Variants in TENM3 observed in about 807,000 individuals in gnomAD.
TENM3 encodes teneurin transmembrane protein 3, also known as teneurin-3.
Under a neutral mutation model 255.1 loss-of-function variants are expected in TENM3, and 63 were observed. That is an observed-to-expected ratio of 0.25 (90% CI 0.20 to 0.30). TENM3 has a LOEUF of 0.30. TENM3 is among the 10% of genes least tolerant of loss of function. TENM3 has a pLI of 1.00. For missense variants in TENM3, 2,929 were observed against 3,461.1 expected (o/e 0.85, Z 3.86); for synonymous variants, 1,306 against 1,322.3 (o/e 0.99, Z 0.27).
chr4:182,378,510 A>AG (rs1317491384), intron 3 of TENM3, among the ~76,000 whole-genome samples: 1 of 152,182 alleles, frequency 6.6e-6, no homozygotes, highest in African/African-American at 2.4e-5. Context: ...CTGAGACTTG[A>AG]GGGGACAGAA....
At chr4:182,028,529 C>A in the TENM3 span, among the ~76,000 whole-genome samples, 1 of 152,082 alleles carries the variant, frequency 6.6e-6, no homozygotes, top group Non-Finnish European at 1.5e-5. Flanking sequence ...CATTAAGATG[C>A]ATCACTGGGT....
At chr4:182,734,074 T>G (rs1760985588) in intron 16 of TENM3, among the ~76,000 whole-genome samples, 1 of 152,210 alleles carries the variant, frequency 6.6e-6, no homozygotes, top group Admixed American at 6.5e-5. Context: ...GAAGAAGACG[T>G]GCATCCTGCC....
the TENM3 span, among the ~76,000 whole-genome samples, chr4:181,748,004 G>C: frequency 6.6e-6 from 1 of 152,024 alleles, no homozygotes; most frequent in African/African-American, 2.4e-5. Context: ...CCAGCATCTA[G>C]CTATGCTAAT....
At chr4:182,081,577 C>T in the TENM3 span, among the ~76,000 whole-genome samples, 19 of 104,206 alleles carry the variant, frequency 1.8e-4, no homozygotes, top group African/African-American at 7.6e-4. Flanking sequence ...GAGTGAGGCT[C>T]TGCCTCAAAA....
chr4:182,692,835 ATT>A (rs1757110144), intron 12 of TENM3, among the ~76,000 whole-genome samples: 2 of 151,996 alleles, frequency 1.3e-5, no homozygotes, highest in South Asian at 4.1e-4. Context: ...CTTAAGGAGT[ATT>A]TTTAGAATGG....
chr4:181,622,793 G>A, the TENM3 span, among the ~76,000 whole-genome samples: 2 of 152,136 alleles, frequency 1.3e-5, no homozygotes, highest in African/African-American at 2.4e-5. Context: ...GGCCTTTGGT[G>A]CCCAACCTTC....
the TENM3 span, among the ~76,000 whole-genome samples, chr4:181,734,298 T>C: frequency 6.6e-6 from 1 of 152,024 alleles, no homozygotes; most frequent in Non-Finnish European, 1.5e-5. Flanking sequence ...AGGGTCCTCA[T>C]CTGTTTTGCT....
At chr4:182,479,974 A>C (rs1004721448) in intron 3 of TENM3, among the ~76,000 whole-genome samples, 2 of 152,026 alleles carry the variant, frequency 1.3e-5, no homozygotes, top group Non-Finnish European at 2.9e-5. Context: ...TAGAAAAGAC[A>C]AAAGTAAAGA....
chr4:182,535,633 C>T (rs986633555), intron 3 of TENM3, among the ~76,000 whole-genome samples: 2 of 151,542 alleles, frequency 1.3e-5, no homozygotes, highest in Non-Finnish European at 2.9e-5. Context: ...CCTACTACTC[C>T]AGAGACTGAG....
intron 1 of TENM3, among the ~76,000 whole-genome samples, chr4:182,280,421 A>G (rs774658490): frequency 3.9e-5 from 6 of 152,342 alleles, no homozygotes; most frequent in South Asian, 2.1e-4. Flanking sequence ...TGAGATTTAT[A>G]TATTCTTGAA....
chr4:182,628,067 C>T (rs1751000468), intron 4 of TENM3, among the ~76,000 whole-genome samples: 1 of 152,076 alleles, frequency 6.6e-6, no homozygotes, highest in Non-Finnish European at 1.5e-5. Flanking sequence ...TAGTTTGCAT[C>T]GTTTGAGAAC....
At chr4:182,241,510 T>G (rs1303451562), upstream of TENM3, among the ~76,000 whole-genome samples, 1 of 131,696 alleles carries the variant, frequency 7.6e-6, no homozygotes, top group East Asian at 2.0e-4. Flanking sequence ...TCCCTTTCTT[T>G]TTTCTTTCTT....
chr4:182,038,883 G>A, the TENM3 span, among the ~76,000 whole-genome samples: 21 of 151,934 alleles, frequency 1.4e-4, no homozygotes, highest in Non-Finnish European at 2.5e-4. Flanking sequence ...ATAGGCGCCC[G>A]CCACCATGCC....
chr4:182,000,810 G>A, the TENM3 span, among the ~76,000 whole-genome samples: 1 of 149,942 alleles, frequency 6.7e-6, no homozygotes, highest in African/African-American at 2.5e-5. Flanking sequence ...GGCTTTGTTA[G>A]AACTATCTGT....
At chr4:181,490,327 A>G in the TENM3 span, among the ~76,000 whole-genome samples, 2 of 152,224 alleles carry the variant, frequency 1.3e-5, no homozygotes, top group Non-Finnish European at 2.9e-5. Context: ...ACCAGATGGT[A>G]TCTTGCCATC....
chr4:182,119,147 C>T, the TENM3 span, among the ~76,000 whole-genome samples: 1 of 152,036 alleles, frequency 6.6e-6, no homozygotes, highest in Non-Finnish European at 1.5e-5. Context: ...GTATTTCCCT[C>T]CCCCCAGGTA....
At chr4:181,605,584 G>GAAAGAAAGAAAGAAAGATAGAAA in the TENM3 span, among the ~76,000 whole-genome samples, 3 of 69,142 alleles carry the variant, frequency 4.3e-5, 1 homozygote, top group Non-Finnish European at 6.0e-5. Context: ...GAGAAAGAAA[G>GAAAGAAAGAAAGAAAGATAGAAA]GAAAGAAAGA....
At chr4:182,088,235 T>C in the TENM3 span, among the ~76,000 whole-genome samples, 1 of 152,150 alleles carries the variant, frequency 6.6e-6, no homozygotes, top group Non-Finnish European at 1.5e-5. Flanking sequence ...TCATTATGAG[T>C]ACGAAAATAA....
At chr4:182,274,481 G>A (rs1421901646) in intron 1 of TENM3, among the ~76,000 whole-genome samples, 2 of 152,166 alleles carry the variant, frequency 1.3e-5, no homozygotes, top group Non-Finnish European at 2.9e-5. Context: ...ACTGTTCAGA[G>A]GCAAAGTGGA....
Sources: gnomAD v4.1 joint callset for allele counts (sites outside exome capture counted in the v4.1 genomes callset) on GRCh38, gnomAD v4.1.1 for gene constraint, MANE v1.5 for transcripts, NCBI Gene and HGNC (gene_info 2026-07-23, HGNC 2026-07-21) for gene names.